The following GSTCD variants were observed in gnomAD, a reference collection of about 807,000 sequenced individuals.
The protein encoded by GSTCD is glutathione S-transferase C-terminal domain containing, also known as glutathione S-transferase C-terminal domain-containing protein.
GSTCD carries 44 observed loss-of-function variants against 68.3 expected under a neutral mutation model. The ratio of observed to expected loss-of-function variants is 0.64; its 90% CI spans 0.51 to 0.83. The LOEUF is 0.83. Among genes scored for constraint, GSTCD ranks in the 40% least tolerant of loss-of-function variants. The pLI, the probability that GSTCD is intolerant of heterozygous loss-of-function variation, is 0.00. For synonymous variants in GSTCD, 273 were observed against 255.2 expected (o/e 1.07, Z -0.67); for missense variants, 739 against 735.9 (o/e 1.00, Z -0.05).
chr4:105,748,418 C>T (rs1309463871), intron 5 of GSTCD, among the ~76,000 whole-genome samples: 1 of 152,026 alleles, frequency 6.6e-6, no homozygotes, highest in Non-Finnish European at 1.5e-5. Flanking sequence ...TCAAAACCTG[C>T]CCATATTTGA....
intron 5 of GSTCD, among the ~76,000 whole-genome samples, chr4:105,811,956 C>A (rs1722769902): frequency 6.6e-6 from 1 of 152,110 alleles, no homozygotes; most frequent in Non-Finnish European, 1.5e-5. Flanking sequence ...TAAAAGAGTT[C>A]AGTTTTTGGA....
rs141995279 is a variant in GSTCD at position 105,730,951 on chromosome 4, T to C, written c.1240+1452T>C. Among the ~76,000 whole-genome samples, 541 of 152,334 alleles carry C rather than the reference T, an allele frequency of 3.6e-3. 5 individuals carry two copies. Among genetic ancestry groups the C allele is most frequent in the African/African-American group, 0.012 (508 of 41,584 alleles). On this transcript the variant is annotated intron_variant, in intron 5 of 11. Transcript: ENST00000515279. Reference sequence around the variant, plus strand: ...TAAGGAAGGGATCGAGTTTCAGCTTTCTACATATGGCTTGCCAGTTTTCCC... The same window carrying C: ...TAAGGAAGGGATCGAGTTTCAGCTTCCTACATATGGCTTGCCAGTTTTCCC...
At chr4:105,786,001 A>G (rs1188300859) in intron 5 of GSTCD, among the ~76,000 whole-genome samples, 1 of 152,248 alleles carries the variant, frequency 6.6e-6, no homozygotes, top group African/African-American at 2.4e-5. Flanking sequence ...TTACAACCCT[A>G]TCATAAAGAT....
intron 5 of GSTCD, among the ~76,000 whole-genome samples, chr4:105,783,456 T>G (rs1348079916): frequency 6.6e-6 from 1 of 152,158 alleles, no homozygotes; most frequent in African/African-American, 2.4e-5. Flanking sequence ...TAATCTAAAT[T>G]TACAGAAAAT....
intron 1 of GSTCD, among the ~76,000 whole-genome samples, chr4:105,716,021 C>A (rs1449332200): frequency 6.6e-6 from 1 of 152,232 alleles, no homozygotes; most frequent in East Asian, 1.9e-4. Context: ...AATCTGACCT[C>A]AAGACTGTGT....
chr4:105,834,879 A>T (rs530596347), intron 9 of GSTCD, among the ~76,000 whole-genome samples: 1 of 152,366 alleles, frequency 6.6e-6, no homozygotes, highest in South Asian at 2.1e-4. Context: ...TTCCGAATAA[A>T]TTTAAAACTG....
intron 3 of GSTCD, among the ~76,000 whole-genome samples, chr4:105,721,323 A>G (rs2149206871): frequency 6.6e-6 from 1 of 152,330 alleles, no homozygotes; most frequent in Non-Finnish European, 1.5e-5. Flanking sequence ...TTTAATTCAT[A>G]TAGTGGTTAT....
At position 105,824,828 on chromosome 4, in the gene GSTCD, C is replaced by T. The variant is rs570313857; in HGVS notation, c.1402-844C>T. 1.3e-4 allele frequency among the ~76,000 whole-genome samples: 20 copies of T among 152,228 alleles called. 1 individual carries two copies. In the South Asian group the frequency reaches 4.1e-3, roughly 32 times the overall value. ...GACACACATTGTGCCCTGGAAATTG[C>T]GTACCAATTTTCTCAGTTCTTCAAA... On this transcript the variant is annotated intron_variant, in intron 7 of 11. Transcript: ENST00000515279.
chr4:105,755,633 C>T (rs185981024), intron 5 of GSTCD, among the ~76,000 whole-genome samples: 1 of 152,248 alleles, frequency 6.6e-6, no homozygotes, highest in Admixed American at 6.5e-5. Context: ...AACTGCCCCC[C>T]ACTTCAGATG....
intron 5 of GSTCD, among the ~76,000 whole-genome samples, chr4:105,809,641 A>G (rs570132532): frequency 6.6e-6 from 1 of 152,222 alleles, no homozygotes; most frequent in African/African-American, 2.4e-5. Flanking sequence ...GGACTGCAAT[A>G]TACCCAACCC....
chr4:105,790,616 G>A (rs1399843971), intron 5 of GSTCD, among the ~76,000 whole-genome samples: 2 of 152,018 alleles, frequency 1.3e-5, no homozygotes, highest in Admixed American at 6.5e-5. Context: ...ACTCCAGTCT[G>A]GACAACAGAG....
At chr4:105,714,641 T>A (rs1732632486) in intron 1 of GSTCD, among the ~76,000 whole-genome samples, 2 of 151,926 alleles carry the variant, frequency 1.3e-5, no homozygotes, top group Non-Finnish European at 2.9e-5. Context: ...AGAGTAATTT[T>A]TTTTTTTATT....
Position 105,834,601 on chromosome 4 carries a change from A to G in GSTCD, c.1664+7A>G. On this transcript the variant is annotated splice_region_variant and intron_variant, in intron 9 of 11. Transcript: ENST00000515279. ...AGTTCAATTTTCCAAAAAGGTGAGAAATTCAGTGTTCTACATAAGACACCA... is the reference window on the plus strand; with the variant it reads ...AGTTCAATTTTCCAAAAAGGTGAGAGATTCAGTGTTCTACATAAGACACCA... The G allele has an allele frequency of 6.2e-7, 1 of 1,613,742 alleles. No homozygotes were observed. The highest frequency in any genetic ancestry group is 8.5e-7 in the Non-Finnish European group (1 of 1,179,718).
chr4:105,834,445 T>C lies in GSTCD; in HGVS notation c.1531-16T>C. The C allele has an allele frequency of 6.2e-7, 1 of 1,611,818 alleles. No homozygotes were observed. The highest frequency in any genetic ancestry group is 8.5e-7 in the Non-Finnish European group (1 of 1,178,742). On this transcript the variant is annotated splice_polypyrimidine_tract_variant and intron_variant, in intron 8 of 11. Transcript: ENST00000515279. ...TAAGAGGGAACTTAGTGCTAAGGCC[T>C]GGTTTTATTTTGTAGGTAGCATTGC...
intron 5 of GSTCD, chr4:105,761,275 A>T (rs535970649): frequency 7.8e-5 from 13 of 167,016 alleles, no homozygotes; most frequent in Admixed American, 3.1e-4. Flanking sequence ...AAGTGCCAGG[A>T]TTATAGGCTT....
chr4:105,737,800 T>C (rs1354191876), intron 5 of GSTCD, among the ~76,000 whole-genome samples: 2 of 152,244 alleles, frequency 1.3e-5, no homozygotes, highest in African/African-American at 2.4e-5. Flanking sequence ...ACGCTTTGGA[T>C]ATTTGTCCTC....
At chr4:105,734,181 C>T (rs1027604994) in intron 5 of GSTCD, among the ~76,000 whole-genome samples, 3 of 152,088 alleles carry the variant, frequency 2.0e-5, no homozygotes, top group African/African-American at 4.8e-5. Context: ...TTGCTCTTCT[C>T]GAGGAACATC....
intron 3 of GSTCD, among the ~76,000 whole-genome samples, chr4:105,721,884 T>G (rs1235316964): frequency 6.6e-6 from 1 of 152,044 alleles, no homozygotes; most frequent in East Asian, 1.9e-4. Context: ...CCCATTCAAT[T>G]TATTTGCTAG....
At position 105,816,331 on chromosome 4, in the gene GSTCD, A is replaced by G. The variant is rs139483152; in HGVS notation, c.1241-6623A>G. Among the ~76,000 whole-genome samples, 372 of 152,216 alleles carry G rather than the reference A, an allele frequency of 2.4e-3. 2 individuals carry two copies. The highest frequency in any genetic ancestry group is 8.7e-3 in the African/African-American group (361 of 41,572). Reference sequence around the variant, plus strand: ...TCTGGATAATCCGATTTTGCAACAAATTGATTGCTCAACCTCTCCATGTCA... The same window carrying G: ...TCTGGATAATCCGATTTTGCAACAAGTTGATTGCTCAACCTCTCCATGTCA... On this transcript the variant is annotated intron_variant, in intron 5 of 11. Transcript: ENST00000515279.
Sources: allele counts gnomAD v4.1 joint callset (sites outside exome capture counted in the v4.1 genomes callset), GRCh38; gene constraint gnomAD v4.1.1; transcripts MANE v1.5; gene names NCBI Gene and HGNC (gene_info 2026-07-23, HGNC 2026-07-21).